The following PLXNA4 variants were observed in gnomAD, a reference collection of about 807,000 sequenced individuals.
PLXNA4 encodes the protein plexin-A4.
PLXNA4 carries 44 observed loss-of-function variants against 191.8 expected under a neutral mutation model. The ratio of observed to expected loss-of-function variants is 0.23; its 90% confidence interval spans 0.18 to 0.29. PLXNA4 has a LOEUF of 0.29. PLXNA4 is among the 10% of genes least tolerant of loss of function. The pLI, the probability that PLXNA4 is intolerant of heterozygous loss-of-function variation, is 1.00. For synonymous variants in PLXNA4, 1,082 were observed against 1,009.5 expected (o/e 1.07, Z -1.36); for missense variants, 1,800 against 2,488.8 (o/e 0.72, Z 5.89).
rs2116473657 is a variant in PLXNA4 at position 132,127,368 on chromosome 7, TG to T, written c.*3110del. The T allele has an allele frequency of 6.6e-6, 1 of 152,204 alleles. No individual in the cohort carries two copies. Among genetic ancestry groups the T allele is most frequent in the Non-Finnish European group, 1.5e-5 (1 of 68,038 alleles). 9.4% of individuals were successfully genotyped at this position (152,204 alleles called of 1,614,324 possible). A position where few individuals can be genotyped will look rare whatever the true frequency, so the allele number is the denominator to read the frequency against. On this transcript the variant is annotated 3_prime_UTR_variant, in exon 32 of 32. Coordinates refer to ENST00000321063, the MANE Select transcript of PLXNA4 (RefSeq NM_020911.2). ...GGGCCTCCATCCCACAGGACAAAGT[TG>T]GCCCAATTCCTTTCTCTGGGAGCCC...
At chr7:132,403,928 T>C (rs902315797) in intron 3 of PLXNA4, among the ~76,000 whole-genome samples, 1 of 152,098 alleles carries the variant, frequency 6.6e-6, no homozygotes. Context: ...GCAACAGACA[T>C]GCTCCATTCA....
intron 2 of PLXNA4, among the ~76,000 whole-genome samples, chr7:132,613,367 T>C (rs2116856846): frequency 6.6e-6 from 1 of 152,226 alleles, no homozygotes; most frequent in Non-Finnish European, 1.5e-5. Flanking sequence ...CCCCCCGACA[T>C]CTCCTCTGAA....
chr7:132,570,607 T>C (rs1457274984), intron 1 of PLXNA4, among the ~76,000 whole-genome samples: 2 of 152,190 alleles, frequency 1.3e-5, no homozygotes, highest in Non-Finnish European at 2.9e-5. Context: ...GGTTTTCCTG[T>C]CCTAAATTTC....
rs372261699 is a variant in PLXNA4 at position 132,176,475 on chromosome 7, C to T, written c.3875-1555G>A. 1.2e-4 allele frequency among the ~76,000 whole-genome samples: 19 copies of T among 152,292 alleles called. No homozygotes were observed. The Middle Eastern group carries it at 0.01, about 82-fold the overall frequency. On this transcript the variant is annotated intron_variant, in intron 20 of 31. Transcript: ENST00000321063. The stretch of plus-strand genomic sequence containing the variant: ...GAGAGTGTGGGAACATGTGCATGAG[C>T]ATAGGTGTGGGTGCATGGGCACTTG...
intron 3 of PLXNA4, among the ~76,000 whole-genome samples, chr7:132,461,289 T>G (rs1585168672): frequency 6.6e-6 from 1 of 152,158 alleles, no homozygotes; most frequent in Non-Finnish European, 1.5e-5. Context: ...TCAGGTAAGG[T>G]TGCATGAATG....
intron 3 of PLXNA4, among the ~76,000 whole-genome samples, chr7:132,306,303 C>T (rs537246708): frequency 3.9e-5 from 6 of 152,222 alleles, no homozygotes; most frequent in East Asian, 3.9e-4. Context: ...GGTGAGGAGC[C>T]GAAGGAGGGA....
rs1190378716 is a variant in PLXNA4, at chr7:132,125,126, G to A, written c.*5353C>T. The A allele has an allele frequency of 2.0e-5, 3 of 152,096 alleles. No individual in the cohort carries two copies. In the South Asian group the frequency reaches 6.2e-4, roughly 32 times the overall value. The allele number at this position is 152,096 out of a possible 1,614,324, so 9.4% of individuals were successfully genotyped here. Reference sequence around the variant, plus strand: ...AGAGGAGTGGTCATTTAGGTTTCCTGTCAAGAGCATGCCACCCTTAGCACC... The same window carrying A: ...AGAGGAGTGGTCATTTAGGTTTCCTATCAAGAGCATGCCACCCTTAGCACC... On this transcript the variant is annotated 3_prime_UTR_variant, in exon 32 of 32. Coordinates refer to ENST00000321063, the MANE Select transcript of PLXNA4 (RefSeq NM_020911.2).
At chr7:132,436,748 G>A (rs1018505825) in intron 3 of PLXNA4, among the ~76,000 whole-genome samples, 8 of 152,194 alleles carry the variant, frequency 5.3e-5, no homozygotes, top group South Asian at 2.1e-4. Context: ...GTCAGTGAGC[G>A]AGAGAGAGGA....
intron 3 of PLXNA4, among the ~76,000 whole-genome samples, chr7:132,328,208 A>G (rs1230050876): frequency 6.6e-6 from 1 of 152,122 alleles, no homozygotes; most frequent in African/African-American, 2.4e-5. Context: ...CATAATTAGA[A>G]GGAGACAGAG....
At chr7:132,450,740 C>A (rs1190287492) in intron 3 of PLXNA4, among the ~76,000 whole-genome samples, 3 of 152,182 alleles carry the variant, frequency 2.0e-5, no homozygotes, top group Admixed American at 2.0e-4. Context: ...GGACTCCTAG[C>A]CCCCTTAGTG....
chr7:132,600,749 T>C (rs977495835), intron 2 of PLXNA4, among the ~76,000 whole-genome samples: 5 of 152,194 alleles, frequency 3.3e-5, no homozygotes, highest in Non-Finnish European at 7.4e-5. Context: ...CCTATAATTA[T>C]TCATAACACT....
At chr7:132,484,756 G>T in intron 3 of PLXNA4, 1 of 1,602,484 alleles carries the variant, frequency 6.2e-7, no homozygotes, top group Non-Finnish European at 8.5e-7. Flanking sequence ...CATCTGCAGG[G>T]CTTTCTGTGC....
At chr7:132,641,744 T>G (rs1803746918) in intron 2 of PLXNA4, among the ~76,000 whole-genome samples, 1 of 152,172 alleles carries the variant, frequency 6.6e-6, no homozygotes, top group Non-Finnish European at 1.5e-5. Flanking sequence ...AGTGATATTG[T>G]TTTTTAAGAG....
chr7:132,234,483 A>G (rs1168376547), intron 5 of PLXNA4, among the ~76,000 whole-genome samples: 1 of 152,174 alleles, frequency 6.6e-6, no homozygotes, highest in Non-Finnish European at 1.5e-5. Flanking sequence ...CAGGTATCCA[A>G]GTCAATAGAC....
chr7:132,309,193 C>T lies in PLXNA4; in HGVS notation c.1372-10971G>A, dbSNP rs76129339. 4.1e-3 allele frequency among the ~76,000 whole-genome samples: 619 copies of T among 152,226 alleles called. 4 individuals are homozygous for T. The highest frequency in any genetic ancestry group is 0.014 in the African/African-American group (586 of 41,524). ...ACTCAGGAGAGACTCAGAAAGCCAACGACTTTATGGAGGAAGAACAAAGCA... is the reference window on the plus strand; with the variant it reads ...ACTCAGGAGAGACTCAGAAAGCCAATGACTTTATGGAGGAAGAACAAAGCA... On this transcript the variant is annotated intron_variant, in intron 3 of 31. Transcript: ENST00000321063.
At chr7:132,428,951 G>A (rs1218318150) in intron 3 of PLXNA4, among the ~76,000 whole-genome samples, 2 of 152,170 alleles carry the variant, frequency 1.3e-5, no homozygotes, top group African/African-American at 4.8e-5. Context: ...CGGGGTGCAA[G>A]GGCTTAGACC....
intron 3 of PLXNA4, among the ~76,000 whole-genome samples, chr7:132,441,290 G>A (rs1046997284): frequency 1.3e-5 from 2 of 152,156 alleles, no homozygotes; most frequent in Non-Finnish European, 2.9e-5. Flanking sequence ...CTTTGTCAAC[G>A]AACTTGTCAT....
At chr7:132,452,317 C>G (rs910287453) in intron 3 of PLXNA4, among the ~76,000 whole-genome samples, 6 of 152,186 alleles carry the variant, frequency 3.9e-5, no homozygotes, top group Admixed American at 3.9e-4. Context: ...CTTCTGCCTC[C>G]CACATTAGCG....
At chr7:132,569,576 ACCT>A (rs1385344073) in intron 1 of PLXNA4, among the ~76,000 whole-genome samples, 2 of 152,236 alleles carry the variant, frequency 1.3e-5, no homozygotes, top group African/African-American at 2.4e-5. Context: ...ATCTAGACTA[ACCT>A]CCTCATTTTA....
Sources: gnomAD v4.1 joint callset for allele counts (sites outside exome capture counted in the v4.1 genomes callset) on GRCh38, gnomAD v4.1.1 for gene constraint, MANE v1.5 for transcripts, NCBI Gene and HGNC (gene_info 2026-07-23, HGNC 2026-07-21) for gene names.